Variants in ZEB1 observed in about 807,000 individuals in gnomAD.
ZEB1 encodes the protein zinc finger E-box-binding homeobox 1.
Under a neutral mutation model 84.9 loss-of-function variants are expected in ZEB1, and 21 were observed. The ratio of observed to expected loss-of-function variants is 0.25; its 90% CI spans 0.18 to 0.36. The LOEUF (loss-of-function observed/expected upper bound fraction) is 0.36. ZEB1 is among the 10% of genes least tolerant of loss of function. The probability of loss-of-function intolerance (pLI) is 1.00; values close to 1 mark genes in which losing one functional copy is unlikely to be tolerated. For missense variants in ZEB1, 1,104 were observed against 1,330.2 expected (o/e 0.83, Z 2.65); for synonymous variants, 420 against 471.1 (o/e 0.89, Z 1.41).
intron 7 of ZEB1, 24 bp from the exon 8 acceptor site, chr10:31,523,909 T>C: frequency 1.2e-6 from 2 of 1,611,430 alleles, no homozygotes; most frequent in Admixed American, 3.3e-5. Context: ...TAAATTACAT[T>C]TTCTCACACC....
rs187808195 is a variant in ZEB1, at chr10:31,324,413, T to C, written c.58+5121T>C. Among the ~76,000 whole-genome samples, 214 of 152,166 alleles carry C rather than the reference T, an allele frequency of 1.4e-3. 1 individual carries two copies. Among genetic ancestry groups the C allele is most frequent in the African/African-American group, 4.9e-3 (205 of 41,574 alleles). On this transcript the variant is annotated intron_variant, in intron 1 of 8. Coordinates refer to ENST00000424869, the MANE Select transcript of ZEB1 (RefSeq NM_001174096.2). ...CTTTATCCTCTTGTGGATTTACCTGTATAAATCACTTTTAAGCATGTGGTT... is the reference window on the plus strand; with the variant it reads ...CTTTATCCTCTTGTGGATTTACCTGCATAAATCACTTTTAAGCATGTGGTT...
At chr10:31,367,881 A>G (rs1455159969) in intron 1 of ZEB1, among the ~76,000 whole-genome samples, 2 of 152,134 alleles carry the variant, frequency 1.3e-5, no homozygotes, top group East Asian at 1.9e-4. Context: ...AAAACGTAGA[A>G]CATTGAGGAA....
At chr10:31,514,488 GAAACA>G (rs924273087) in intron 5 of ZEB1, 110 bp from the exon 6 acceptor site, 16 of 918,712 alleles carry the variant, frequency 1.7e-5, no homozygotes, top group Middle Eastern at 5.2e-4. Context: ...AGGTCTTTAA[GAAACA>G]AAACAAAACA....
At chr10:31,457,554 C>T (rs1261426585) in intron 1 of ZEB1, among the ~76,000 whole-genome samples, 2 of 151,956 alleles carry the variant, frequency 1.3e-5, no homozygotes, top group Non-Finnish European at 2.9e-5. Context: ...ATCAAACATG[C>T]TCTGGGAAAA....
At chr10:31,501,602 T>C (rs994210975) in intron 3 of ZEB1, among the ~76,000 whole-genome samples, 1 of 151,702 alleles carries the variant, frequency 6.6e-6, no homozygotes, top group African/African-American at 2.4e-5. Context: ...ATGAGAATTA[T>C]TCAGATTTAA....
At position 31,520,602 on chromosome 10, in the gene ZEB1, A is replaced by G. The variant is rs752101790; in HGVS notation, c.1270A>G (p.Asn424Asp). ...QNVLKVAVDGNVIRQVLENNQ... is the reference protein window; with the variant it reads ...QNVLKVAVDGDVIRQVLENNQ... ...TGTACTTAAAGTGGCGGTAGATGGT[A>G]ATGTAATAAGGCAAGTGTTGGAGAA... Residue 424 changes from asparagine (N) to aspartate (D), a missense_variant, in exon 7 of 9, where the codon AAT (asparagine) becomes GAT (aspartate). Around this residue, in one of 7 missense-constraint regions of ZEB1, gnomAD observed 531 missense variants for 575.2 expected, o/e 0.92. Transcript: ENST00000424869. This position sits in a 1 kb window ranked among gnomAD's most constrained non-coding sequence, Gnocchi z 5.1. 1 of 1,614,010 alleles carries G rather than the reference A, an allele frequency of 6.2e-7. No homozygotes were observed.
At position 31,319,448 on chromosome 10, in the gene ZEB1, TCCGCTGCCG is replaced by T. The variant is rs1056536290; in HGVS notation, c.58+166_58+174del. ...TAGAAAGTAGTGCTCTCTGCCCCCC[TCCGCTGCCG>T]CCGCTGCCGGAGCCGCGCCGCGGCC... On this transcript the variant is annotated intron_variant, in intron 1 of 8. Coordinates refer to ENST00000424869, the MANE Select transcript of ZEB1 (RefSeq NM_001174096.2). The T allele has an allele frequency of 2.3e-5, 16 of 704,234 alleles. No homozygotes were observed. The African/African-American group carries it at 2.3e-4, about 10-fold the overall frequency. 43.6% of individuals were successfully genotyped at this position (704,234 alleles called of 1,614,324 possible).
chr10:31,355,988 C>T (rs1256132947), intron 1 of ZEB1, among the ~76,000 whole-genome samples: 1 of 152,002 alleles, frequency 6.6e-6, no homozygotes, highest in Non-Finnish European at 1.5e-5. Context: ...ATGGTTACAG[C>T]AGTGGAGCTG....
At chr10:31,488,851 A>C (rs220069) in intron 2 of ZEB1, among the ~76,000 whole-genome samples, 36,968 of 151,148 alleles carry the variant, frequency 0.24, 10,294 homozygotes, top group African/African-American at 0.69. Context: ...TATAGAATTT[A>C]AATCCTTTAA....
chr10:31,319,181 G>T (rs978564949), upstream of ZEB1: 13 of 1,274,388 alleles, frequency 1.0e-5, no homozygotes, highest in African/African-American at 1.6e-5. Context: ...TGGGGGGGAA[G>T]GGGGAGGGAG....
At chr10:31,501,956 A>G (rs1442291558) in intron 3 of ZEB1, among the ~76,000 whole-genome samples, 1 of 152,212 alleles carries the variant, frequency 6.6e-6, no homozygotes, top group Non-Finnish European at 1.5e-5. Context: ...CCAACTTTAA[A>G]TAAGTATTAT....
At chr10:31,347,061 T>C (rs998476936) in intron 1 of ZEB1, among the ~76,000 whole-genome samples, 4 of 152,152 alleles carry the variant, frequency 2.6e-5, no homozygotes, top group African/African-American at 9.7e-5. Context: ...GCTTTAATAA[T>C]GAGGACCTTG....
At chr10:31,336,200 C>T (rs1015242925) in intron 1 of ZEB1, among the ~76,000 whole-genome samples, 2 of 152,100 alleles carry the variant, frequency 1.3e-5, no homozygotes, top group South Asian at 2.1e-4. Flanking sequence ...GAATTTGACA[C>T]GCTAATCCAA....
chr10:31,423,232 G>C (rs771232612), intron 1 of ZEB1, among the ~76,000 whole-genome samples: 15 of 151,932 alleles, frequency 9.9e-5, no homozygotes, highest in Non-Finnish European at 1.9e-4. Context: ...TAGTCTCCCG[G>C]TTTTCTCTAT....
intron 1 of ZEB1, chr10:31,373,146 T>C (rs1311944226): frequency 1.3e-5 from 13 of 985,266 alleles, no homozygotes; most frequent in Non-Finnish European, 1.6e-5. Flanking sequence ...GAAAGACTAA[T>C]GGAGTGACTA....
intron 1 of ZEB1, among the ~76,000 whole-genome samples, chr10:31,390,864 T>C (rs180757638): frequency 2.0e-5 from 3 of 152,316 alleles, no homozygotes; most frequent in Admixed American, 6.5e-5. Context: ...TCCGTTTTCA[T>C]TCTTTAACAT....
chr10:31,367,716 A>G (rs559326192), intron 1 of ZEB1, among the ~76,000 whole-genome samples: 415 of 152,276 alleles, frequency 2.7e-3, no homozygotes, highest in Non-Finnish European at 5.0e-3. Context: ...AGTGATGTGA[A>G]TGATATGAAT....
At chr10:31,374,808 T>C (rs2046311713) in intron 1 of ZEB1, 1 of 151,788 alleles carries the variant, frequency 6.6e-6, no homozygotes, top group African/African-American at 2.4e-5. Flanking sequence ...CTTAGATTTC[T>C]TAAGAATTTA....
chr10:31,400,824 A>C (rs1446743525), intron 1 of ZEB1, among the ~76,000 whole-genome samples: 1 of 152,162 alleles, frequency 6.6e-6, no homozygotes, highest in Non-Finnish European at 1.5e-5. Context: ...TTTTAAATAC[A>C]TAAAGCTACC....
Sources: allele counts gnomAD v4.1 joint callset (sites outside exome capture counted in the v4.1 genomes callset), GRCh38; gene constraint gnomAD v4.1.1; regional missense constraint gnomAD v4.1.1; non-coding constraint Gnocchi (gnomAD v3.1); transcripts MANE v1.5; gene names NCBI Gene and HGNC (gene_info 2026-07-23, HGNC 2026-07-21).